Variants in GPR158 observed in about 807,000 individuals in gnomAD.
The protein encoded by GPR158 is metabotropic glycine receptor.
GPR158 carries 30 observed loss-of-function variants against 78.2 expected under a neutral mutation model. That is an observed-to-expected ratio of 0.38 (90% CI 0.29 to 0.52). GPR158 has a LOEUF of 0.52. Ranked by LOEUF, GPR158 falls within the 20% of genes least tolerant of loss-of-function variation. GPR158 has a pLI of 0.83. For synonymous variants in GPR158, 581 were observed against 591.1 expected (o/e 0.98, Z 0.25); for missense variants, 1,463 against 1,523.5 (o/e 0.96, Z 0.66).
intron 5 of GPR158, among the ~76,000 whole-genome samples, chr10:25,505,362 C>T (rs1835996674): frequency 6.6e-6 from 1 of 152,180 alleles, no homozygotes; most frequent in African/African-American, 2.4e-5. Context: ...AGAACAACCT[C>T]ATTCTGGTAA....
rs147519668 is a variant in GPR158, at chr10:25,219,500, G to A, written c.903-1552G>A. On this transcript the variant is annotated intron_variant, in intron 1 of 10. Transcript: ENST00000376351. The stretch of plus-strand genomic sequence containing the variant: ...GGGTCTATATATCTGAATGATCAGC[G>A]TGTTTTCTGTAATTTTTGTGTTTTC... 1.1e-4 allele frequency among the ~76,000 whole-genome samples: 17 copies of A among 152,282 alleles called. No individual in the cohort carries two copies. In the East Asian group the frequency reaches 2.9e-3, roughly 26 times the overall value.
At chr10:25,558,422 G>A (rs1211616788) in intron 6 of GPR158, among the ~76,000 whole-genome samples, 1 of 152,220 alleles carries the variant, frequency 6.6e-6, no homozygotes, top group African/African-American at 2.4e-5. Flanking sequence ...GAGAATGAGT[G>A]TGAAATGAGA....
At chr10:25,472,667 G>A (rs1835524461) in intron 5 of GPR158, among the ~76,000 whole-genome samples, 1 of 152,178 alleles carries the variant, frequency 6.6e-6, no homozygotes. Flanking sequence ...TCTCCTTGAA[G>A]AGGTCCTTCA....
Position 25,208,222 on chromosome 10 carries a change from A to C in GPR158, c.903-12830A>C, listed in dbSNP as rs146926824. Among the ~76,000 whole-genome samples, 1,258 of 152,330 alleles carry C rather than the reference A, an allele frequency of 8.3e-3. 14 individuals carry two copies. The highest frequency in any genetic ancestry group is 0.029 in the African/African-American group (1,201 of 41,568). On this transcript the variant is annotated intron_variant, in intron 1 of 10. Transcript: ENST00000376351. ...TTTTTCACATTTTAATATGCCAATA[A>C]TGATAATTTTGCATCTCTAGCAAAC...
intron 2 of GPR158, among the ~76,000 whole-genome samples, chr10:25,253,981 A>C (rs1264122834): frequency 6.6e-6 from 1 of 152,246 alleles, no homozygotes; most frequent in Non-Finnish European, 1.5e-5. Flanking sequence ...TAACATAATT[A>C]GCATTGTTTA....
At chr10:25,510,274 G>A (rs961796991) in intron 5 of GPR158, among the ~76,000 whole-genome samples, 1 of 152,084 alleles carries the variant, frequency 6.6e-6, no homozygotes, top group African/African-American at 2.4e-5. Context: ...GAGTGTTTCC[G>A]AATGTACCTT....
intron 3 of GPR158, among the ~76,000 whole-genome samples, chr10:25,409,569 T>TA (rs905004640): frequency 2.6e-5 from 4 of 152,176 alleles, no homozygotes; most frequent in Admixed American, 1.3e-4. Context: ...TTCTTTCTGC[T>TA]AAAAAACAAA....
intron 4 of GPR158, among the ~76,000 whole-genome samples, chr10:25,426,303 C>CGTATGTTCACT (rs1281851530): frequency 6.6e-6 from 1 of 152,090 alleles, no homozygotes; most frequent in East Asian, 1.9e-4. Context: ...TCTTAACATT[C>CGTATGTTCACT]GTATGTTCAC....
chr10:25,205,806 C>T (rs1168921241), intron 1 of GPR158, among the ~76,000 whole-genome samples: 1 of 151,532 alleles, frequency 6.6e-6, no homozygotes, highest in Admixed American at 6.6e-5. Flanking sequence ...TGTTTGGTAT[C>T]ATTTTAGTTT....
At chr10:25,377,696 A>G (rs1834101320) in intron 2 of GPR158, among the ~76,000 whole-genome samples, 1 of 152,100 alleles carries the variant, frequency 6.6e-6, no homozygotes, top group African/African-American at 2.4e-5. Context: ...TATGTTTAGC[A>G]TGTATTAGTA....
chr10:25,186,235 A>T (rs1852683189), intron 1 of GPR158, among the ~76,000 whole-genome samples: 1 of 152,206 alleles, frequency 6.6e-6, no homozygotes, highest in African/African-American at 2.4e-5. Flanking sequence ...GTGTAGAGGG[A>T]AATTTATAGC....
intron 6 of GPR158, among the ~76,000 whole-genome samples, chr10:25,562,685 G>T (rs992891923): frequency 6.6e-6 from 1 of 152,122 alleles, no homozygotes; most frequent in Non-Finnish European, 1.5e-5. Flanking sequence ...TGGTTTTGTG[G>T]TCTAACATAT....
intron 5 of GPR158, among the ~76,000 whole-genome samples, chr10:25,525,904 C>G (rs971029858): frequency 6.6e-6 from 1 of 151,802 alleles, no homozygotes; most frequent in Non-Finnish European, 1.5e-5. Flanking sequence ...GTCAGGAGTT[C>G]GAGACCAGCC....
intron 7 of GPR158, among the ~76,000 whole-genome samples, chr10:25,584,664 A>T (rs1837244822): frequency 6.6e-6 from 1 of 152,216 alleles, no homozygotes; most frequent in Non-Finnish European, 1.5e-5. Context: ...AGTGGTACTT[A>T]ATAATACTTA....
intron 2 of GPR158, among the ~76,000 whole-genome samples, chr10:25,338,502 TATATTACGTATAATA>T (rs1855253731): frequency 7.5e-6 from 1 of 132,984 alleles, no homozygotes; most frequent in African/African-American, 2.8e-5. Context: ...TATACGTATA[TATATTACGTATAATA>T]TACGTATATT....
At chr10:25,336,695 A>G (rs1269497232) in intron 2 of GPR158, among the ~76,000 whole-genome samples, 9 of 152,050 alleles carry the variant, frequency 5.9e-5, no homozygotes, top group Non-Finnish European at 1.0e-4. Flanking sequence ...CAGGGATGTA[A>G]TGCTGGGAAC....
chr10:25,267,823 G>GT (rs1292894967), intron 2 of GPR158, among the ~76,000 whole-genome samples: 1 of 152,048 alleles, frequency 6.6e-6, no homozygotes, highest in East Asian at 1.9e-4. Context: ...TCAAAAACAT[G>GT]TGAGTAGGAA....
At chr10:25,510,746 G>C (rs574103733) in intron 5 of GPR158, among the ~76,000 whole-genome samples, 7 of 152,120 alleles carry the variant, frequency 4.6e-5, no homozygotes, top group African/African-American at 1.7e-4. Flanking sequence ...TCATTCTTAC[G>C]CCTTTGCATC....
chr10:25,358,994 C>A (rs1855590635), intron 2 of GPR158, among the ~76,000 whole-genome samples: 1 of 145,598 alleles, frequency 6.9e-6, no homozygotes, highest in Admixed American at 6.6e-5. Context: ...TTGTAATGGT[C>A]AAGTATTCTG....
Sources: gnomAD v4.1 joint callset for allele counts (sites outside exome capture counted in the v4.1 genomes callset) on GRCh38, gnomAD v4.1.1 for gene constraint, MANE v1.5 for transcripts, NCBI Gene and HGNC (gene_info 2026-07-23, HGNC 2026-07-21) for gene names.